UVRAG: variants seen among roughly 807,000 people sequenced by gnomAD.
The protein encoded by UVRAG is UV radiation resistance associated, also known as UV radiation resistance-associated gene protein.
A neutral mutation model predicts 78.0 loss-of-function variants in UVRAG; 19 were observed. The observed-to-expected ratio is 0.24, with a 90% CI of 0.17 to 0.36. The LOEUF is 0.36. UVRAG is among the 10% of genes least tolerant of loss of function. The pLI, the probability that UVRAG is intolerant of heterozygous loss-of-function variation, is 1.00. For missense variants in UVRAG, 740 were observed against 853.8 expected (o/e 0.87, Z 1.66); for synonymous variants, 323 against 324.6 (o/e 1.00, Z 0.05).
At chr11:75,828,605 A>G (rs1945571357) in intron 1 of UVRAG, among the ~76,000 whole-genome samples, 1 of 150,922 alleles carries the variant, frequency 6.6e-6, no homozygotes, top group Non-Finnish European at 1.5e-5. Context: ...TAGCCTCCTG[A>G]GTAGCTGAGA....
chr11:75,912,477 G>GC (rs1206314679), intron 6 of UVRAG, among the ~76,000 whole-genome samples: 2 of 152,196 alleles, frequency 1.3e-5, no homozygotes, highest in Non-Finnish European at 2.9e-5. Context: ...AAAAAGCTTT[G>GC]CATGTATCTA....
chr11:75,925,899 G>T (rs191114413), intron 6 of UVRAG, among the ~76,000 whole-genome samples: 2 of 152,314 alleles, frequency 1.3e-5, no homozygotes, highest in Non-Finnish European at 2.9e-5. Context: ...CAGGTGTTCA[G>T]CTAGTAAGTC....
chr11:76,107,371 G>A (rs1951989934), intron 13 of UVRAG, among the ~76,000 whole-genome samples: 1 of 152,196 alleles, frequency 6.6e-6, no homozygotes, highest in Non-Finnish European at 1.5e-5. Context: ...TTTCTTCAGA[G>A]GTGCCATTCA....
At chr11:76,005,609 C>G (rs1185197607) in intron 9 of UVRAG, among the ~76,000 whole-genome samples, 2 of 152,234 alleles carry the variant, frequency 1.3e-5, no homozygotes, top group Non-Finnish European at 2.9e-5. Context: ...ATTTCTCACT[C>G]TGTCTTCCTG....
At chr11:75,854,782 A>G (rs539765535) in intron 2 of UVRAG, among the ~76,000 whole-genome samples, 1 of 152,338 alleles carries the variant, frequency 6.6e-6, no homozygotes, top group South Asian at 2.1e-4. Context: ...CCAGAAAGAA[A>G]ATGAAACAAT....
intron 6 of UVRAG, among the ~76,000 whole-genome samples, chr11:75,929,411 A>G (rs945603554): frequency 3.3e-5 from 5 of 152,182 alleles, no homozygotes; most frequent in African/African-American, 1.2e-4. Context: ...TAGCGGAATG[A>G]AAATCAGAGA....
At chr11:75,949,729 A>C (rs1485687711) in intron 6 of UVRAG, among the ~76,000 whole-genome samples, 1 of 148,490 alleles carries the variant, frequency 6.7e-6, no homozygotes, top group Non-Finnish European at 1.5e-5. Flanking sequence ...ACACACACAC[A>C]CATATACACA....
intron 13 of UVRAG, among the ~76,000 whole-genome samples, chr11:76,093,213 GTACCATGCTGTTTTGGTAC>G (rs1294258659): frequency 5.1e-4 from 78 of 151,868 alleles, no homozygotes; most frequent in African/African-American, 1.8e-3. Context: ...TTTGGTACCA[GTACCATGCTGTTTTGGTAC>G]CAGTACCATG....
At chr11:75,933,347 A>C (rs1199860749) in intron 6 of UVRAG, among the ~76,000 whole-genome samples, 4 of 152,214 alleles carry the variant, frequency 2.6e-5, no homozygotes, top group Admixed American at 2.6e-4. Context: ...TGCCATATAA[A>C]AAATTAAATC....
At chr11:76,063,424 C>T (rs897516064) in intron 12 of UVRAG, among the ~76,000 whole-genome samples, 4 of 152,190 alleles carry the variant, frequency 2.6e-5, no homozygotes, top group Non-Finnish European at 5.9e-5. Flanking sequence ...TCTTCACCAC[C>T]TGTTGTTAGT....
At chr11:75,866,059 C>A (rs1046507131) in intron 3 of UVRAG, among the ~76,000 whole-genome samples, 1 of 151,936 alleles carries the variant, frequency 6.6e-6, no homozygotes, top group African/African-American at 2.4e-5. Context: ...GAGTTCAAGA[C>A]CAGCCTGGGC....
intron 1 of UVRAG, among the ~76,000 whole-genome samples, chr11:75,847,469 A>G (rs1186581049): frequency 1.3e-5 from 2 of 150,992 alleles, no homozygotes; most frequent in Non-Finnish European, 2.9e-5. Flanking sequence ...GGGTCTCACT[A>G]TGTTGTTGCC....
chr11:75,978,363 G>A (rs960492813), intron 7 of UVRAG, among the ~76,000 whole-genome samples: 16 of 152,074 alleles, frequency 1.1e-4, no homozygotes, highest in Admixed American at 2.0e-4. Flanking sequence ...TGCTCTTCTC[G>A]AGGAGTATCT....
At chr11:75,961,637 T>C in intron 7 of UVRAG, 88 bp downstream of exon 7, 7 of 983,862 alleles carry the variant, frequency 7.1e-6, no homozygotes, top group African/African-American at 1.7e-5. Context: ...AAAAAACGCT[T>C]TAGATCGTTT....
At chr11:76,086,121 C>A (rs1454995492) in intron 13 of UVRAG, among the ~76,000 whole-genome samples, 1 of 152,208 alleles carries the variant, frequency 6.6e-6, no homozygotes, top group African/African-American at 2.4e-5. Flanking sequence ...CTTCTGCTTA[C>A]ATATTTGTAA....
intron 3 of UVRAG, among the ~76,000 whole-genome samples, chr11:75,870,009 T>C (rs1459563164): frequency 6.6e-6 from 1 of 152,200 alleles, no homozygotes; most frequent in African/African-American, 2.4e-5. Flanking sequence ...TACAGGTCCC[T>C]GGATGATATT....
intron 13 of UVRAG, among the ~76,000 whole-genome samples, chr11:76,071,395 G>A (rs1951305528): frequency 6.6e-6 from 1 of 152,182 alleles, no homozygotes; most frequent in South Asian, 2.1e-4. Context: ...GGCTGATGTG[G>A]CAGGAGTGTA....
intron 12 of UVRAG, among the ~76,000 whole-genome samples, chr11:76,034,431 T>TAAAGTGATTATCCCGCC: frequency 6.6e-6 from 1 of 152,200 alleles, no homozygotes; most frequent in East Asian, 1.9e-4. Flanking sequence ...ACTCCTGGGC[T>TAAAGTGATTATCCCGCC]AAAGTGATTA....
chr11:75,854,615 C>T (rs1279929812), intron 2 of UVRAG, among the ~76,000 whole-genome samples: 1 of 151,726 alleles, frequency 6.6e-6, no homozygotes, highest in Non-Finnish European at 1.5e-5. Flanking sequence ...TGGGGTTTCA[C>T]CATGTTGGCC....
Sources: allele counts gnomAD v4.1 joint callset (sites outside exome capture counted in the v4.1 genomes callset), GRCh38; gene constraint gnomAD v4.1.1; transcripts MANE v1.5; gene names NCBI Gene and HGNC (gene_info 2026-07-23, HGNC 2026-07-21).